NRG1: variants seen among roughly 807,000 people sequenced by gnomAD.
NRG1 encodes the protein neuregulin 1.
A neutral mutation model predicts 63.8 loss-of-function variants in NRG1; 18 were observed. That is an observed-to-expected ratio of 0.28 (90% confidence interval 0.19 to 0.42). The LOEUF (loss-of-function observed/expected upper bound fraction) is 0.42, where lower values mean the gene tolerates loss of function less well. NRG1 is among the 10% of genes least tolerant of loss of function. NRG1 has a pLI of 1.00. For missense variants in NRG1, 762 were observed against 814.7 expected, an observed-to-expected ratio of 0.94 and a Z score of 0.79; for synonymous variants, 302 against 301.3, an observed-to-expected ratio of 1.00 and a Z score of -0.02.
At chr8:32,086,375 A>G (rs1031566141) in intron 1 of NRG1, among the ~76,000 whole-genome samples, 17 of 152,178 alleles carry the variant, frequency 1.1e-4, no homozygotes, top group Non-Finnish European at 1.9e-4. Context: ...ATTTAGATAG[A>G]CTATTTAGTT....
intron 1 of NRG1, among the ~76,000 whole-genome samples, chr8:31,974,964 A>G (rs1204044832): frequency 6.6e-6 from 1 of 152,128 alleles, no homozygotes; most frequent in African/African-American, 2.4e-5. Context: ...GGCACCTGAC[A>G]GTTGGATGAA....
intron 1 of NRG1, among the ~76,000 whole-genome samples, chr8:31,667,628 G>A (rs1806686131): frequency 6.6e-6 from 1 of 152,218 alleles, no homozygotes; most frequent in Non-Finnish European, 1.5e-5. Context: ...GAGAAGGTAA[G>A]AGGTGAGGCT....
chr8:31,867,301 C>T (rs1269273192), intron 1 of NRG1, among the ~76,000 whole-genome samples: 1 of 152,166 alleles, frequency 6.6e-6, no homozygotes, highest in Admixed American at 6.6e-5. Flanking sequence ...AATGTGTGAA[C>T]AATGCTGTTA....
At chr8:32,713,675 A>T in intron 5 of NRG1, among the ~76,000 whole-genome samples, 1 of 148,174 alleles carries the variant, frequency 6.7e-6, no homozygotes, top group East Asian at 1.9e-4. Context: ...GGGTTTGCCC[A>T]TGCCTAGTTC....
intron 1 of NRG1, among the ~76,000 whole-genome samples, chr8:31,951,106 C>G (rs1212510113): frequency 6.6e-6 from 1 of 152,124 alleles, no homozygotes; most frequent in Non-Finnish European, 1.5e-5. Context: ...TCCTGTTTTT[C>G]TGTTCATTGG....
At chr8:31,751,690 G>A (rs979005338) in intron 1 of NRG1, among the ~76,000 whole-genome samples, 9 of 151,978 alleles carry the variant, frequency 5.9e-5, no homozygotes, top group African/African-American at 1.9e-4. Context: ...TCATCTGGAT[G>A]AAACAGTGGT....
At chr8:31,675,471 T>G (rs1807594208) in intron 1 of NRG1, among the ~76,000 whole-genome samples, 2 of 152,236 alleles carry the variant, frequency 1.3e-5, no homozygotes, top group Admixed American at 6.5e-5. Flanking sequence ...TGAGTCTGTC[T>G]TTGCCTAAAT....
chr8:32,114,714 G>A (rs1832471963), intron 1 of NRG1, among the ~76,000 whole-genome samples: 1 of 152,110 alleles, frequency 6.6e-6, no homozygotes, highest in African/African-American at 2.4e-5. Context: ...GAACAACAAA[G>A]AGCTATAGGT....
chr8:32,406,907 A>T (rs1343440546), intron 1 of NRG1, among the ~76,000 whole-genome samples: 1 of 152,096 alleles, frequency 6.6e-6, no homozygotes, highest in African/African-American at 2.4e-5. Context: ...GCAATCTCAA[A>T]CCGAATTCTA....
At chr8:31,652,994 C>A (rs1805032002) in intron 1 of NRG1, among the ~76,000 whole-genome samples, 1 of 87,874 alleles carries the variant, frequency 1.1e-5, no homozygotes, top group Non-Finnish European at 2.4e-5. Context: ...CCTCTCCTCT[C>A]CTCTCCTCTC....
intron 5 of NRG1, among the ~76,000 whole-genome samples, chr8:32,621,261 T>C (rs1052307668): frequency 2.2e-4 from 34 of 152,216 alleles, no homozygotes; most frequent in Admixed American, 1.4e-3. Context: ...ATTTTCTTTA[T>C]TTTCTTTTGT....
At chr8:32,188,502 G>C (rs1842181319) in intron 1 of NRG1, among the ~76,000 whole-genome samples, 2 of 152,214 alleles carry the variant, frequency 1.3e-5, no homozygotes, top group African/African-American at 4.8e-5. Context: ...TGGCGAAGGG[G>C]AAGGGAGACT....
intron 1 of NRG1, among the ~76,000 whole-genome samples, chr8:32,176,708 C>T (rs1453081083): frequency 6.6e-6 from 1 of 152,116 alleles, no homozygotes; most frequent in Admixed American, 6.6e-5. Context: ...ATTTATGCAA[C>T]CAAAAGACAC....
chr8:32,251,808 G>C (rs576315898), intron 1 of NRG1, among the ~76,000 whole-genome samples: 3 of 152,172 alleles, frequency 2.0e-5, no homozygotes, highest in East Asian at 1.9e-4. Flanking sequence ...GACCAGTGAT[G>C]ATGAGTTGCG....
chr8:32,301,496 T>C (rs986437186), intron 1 of NRG1, among the ~76,000 whole-genome samples: 1 of 152,216 alleles, frequency 6.6e-6, no homozygotes. Context: ...TGAATATCTC[T>C]AATAGATCTC....
At chr8:32,237,406 T>C (rs1847678882) in intron 1 of NRG1, among the ~76,000 whole-genome samples, 1 of 152,192 alleles carries the variant, frequency 6.6e-6, no homozygotes, top group Admixed American at 6.5e-5. Flanking sequence ...GCTTTTTTTT[T>C]CTGGGTCCAT....
At chr8:31,723,916 G>A (rs1477438957) in intron 1 of NRG1, among the ~76,000 whole-genome samples, 3 of 152,116 alleles carry the variant, frequency 2.0e-5, no homozygotes, top group African/African-American at 7.2e-5. Flanking sequence ...AGAAAACAGA[G>A]AAGTTCAAGA....
chr8:31,798,879 C>T (rs1821488517), intron 1 of NRG1, among the ~76,000 whole-genome samples: 1 of 151,966 alleles, frequency 6.6e-6, no homozygotes, highest in Admixed American at 6.6e-5. Flanking sequence ...CCATAAAGTG[C>T]CACATCAGAA....
chr8:32,135,208 G>A (rs1296896955), intron 1 of NRG1, among the ~76,000 whole-genome samples: 3 of 152,154 alleles, frequency 2.0e-5, no homozygotes, highest in Non-Finnish European at 4.4e-5. Context: ...CCAGGCTAAG[G>A]TGTTTATGTT....
Sources: gnomAD v4.1 joint callset for allele counts (sites outside exome capture counted in the v4.1 genomes callset) on GRCh38, gnomAD v4.1.1 for gene constraint, MANE v1.5 for transcripts, NCBI Gene and HGNC (gene_info 2026-07-23, HGNC 2026-07-21) for gene names.